ACOT11: variants seen among roughly 807,000 people sequenced by gnomAD.
ACOT11 encodes acyl-CoA thioesterase 11, also known as acyl-coenzyme A thioesterase 11.
In ACOT11, 69 loss-of-function variants were observed where a neutral mutation model predicts 77.5. The ratio of observed to expected loss-of-function variants is 0.89; its 90% CI spans 0.73 to 1.09. ACOT11 has a LOEUF of 1.09. Ranked by LOEUF, ACOT11 falls within the 50% of genes least tolerant of loss-of-function variation. The pLI, the probability that ACOT11 is intolerant of heterozygous loss-of-function variation, is 0.00. For synonymous variants in ACOT11, 279 were observed against 313.0 expected (o/e 0.89, Z 1.15); for missense variants, 766 against 813.7 (o/e 0.94, Z 0.71).
intron 12 of ACOT11, among the ~76,000 whole-genome samples, chr1:54,604,695 CCT>C (rs1270908181): frequency 6.6e-6 from 1 of 152,140 alleles, no homozygotes; most frequent in Non-Finnish European, 1.5e-5. Flanking sequence ...GCACTTCCTC[CCT>C]CTCTGTTCTT....
At chr1:54,568,615 C>T (rs1041594579) in intron 1 of ACOT11, among the ~76,000 whole-genome samples, 7 of 152,204 alleles carry the variant, frequency 4.6e-5, no homozygotes, top group East Asian at 1.9e-4. Flanking sequence ...CCACTCACTT[C>T]GGCCTCTGAA....
chr1:54,602,245 C>T (rs977836178), intron 9 of ACOT11, among the ~76,000 whole-genome samples: 1 of 152,258 alleles, frequency 6.6e-6, no homozygotes, highest in Non-Finnish European at 1.5e-5. Flanking sequence ...CCTTCCTTGT[C>T]TCAGGTTCCT....
chr1:54,554,689 C>T (rs1653200503), intron 1 of ACOT11, among the ~76,000 whole-genome samples: 1 of 152,000 alleles, frequency 6.6e-6, no homozygotes, highest in Non-Finnish European at 1.5e-5. Flanking sequence ...CTGGTGGACA[C>T]TTAGTTGGTT....
At chr1:54,575,262 G>A (rs1654067618) in intron 1 of ACOT11, among the ~76,000 whole-genome samples, 1 of 152,164 alleles carries the variant, frequency 6.6e-6, no homozygotes, top group Non-Finnish European at 1.5e-5. Context: ...TTGCTTATGG[G>A]TCAAATGAGA....
At chr1:54,598,501 G>A (rs1466290928) in intron 7 of ACOT11, 1 of 152,316 alleles carries the variant, frequency 6.6e-6, no homozygotes, top group African/African-American at 2.4e-5. Flanking sequence ...GTGGCAGTGG[G>A]TGGGTCAGAA....
chr1:54,602,682 G>C lies in ACOT11; in HGVS notation c.1043G>C (p.Arg348Pro). 1 of 1,552,744 alleles carries C rather than the reference G, an allele frequency of 6.4e-7. No individual in the cohort carries two copies. Among genetic ancestry groups the C allele is most frequent in the East Asian group, 2.4e-5 (1 of 41,434 alleles). The change falls in exon 10 of 16, where the codon CGG becomes CCG. Residue 348 changes from arginine (R) to proline (P), a missense_variant. Coordinates refer to ENST00000343744, the MANE Select transcript of ACOT11 (RefSeq NM_147161.4). The stretch of plus-strand genomic sequence containing the variant: ...CTTCCTCCCCAGGATGGTGAGCGGC[G>C]GTACCGAGAGGCCAGTGCCAGAAAG... ...IRPQPGDGER[R>P]YREASARKKI...
At chr1:54,589,229 C>T (rs1654618413) in intron 3 of ACOT11, among the ~76,000 whole-genome samples, 1 of 150,906 alleles carries the variant, frequency 6.6e-6, no homozygotes, top group South Asian at 2.1e-4. Flanking sequence ...ATTGATCAGG[C>T]TGGTCTTGAA....
downstream of ACOT11, among the ~76,000 whole-genome samples, chr1:54,613,722 G>A (rs1278604609): frequency 3.9e-5 from 6 of 152,286 alleles, no homozygotes; most frequent in South Asian, 4.1e-4. Context: ...ACCCTACTGA[G>A]TAAAATTAGC....
chr1:54,563,840 C>G (rs372253), intron 1 of ACOT11, among the ~76,000 whole-genome samples: 1 of 151,792 alleles, frequency 6.6e-6, no homozygotes, highest in African/African-American at 2.4e-5. Context: ...GAGCGGGGGG[C>G]GGATCACTTA....
intron 1 of ACOT11, among the ~76,000 whole-genome samples, chr1:54,567,012 C>T (rs1653756931): frequency 6.6e-6 from 1 of 152,040 alleles, no homozygotes. Context: ...AAATTGGTGG[C>T]CTTCTTTCAT....
chr1:54,560,044 G>A (rs1242906760), intron 1 of ACOT11, among the ~76,000 whole-genome samples: 10 of 152,234 alleles, frequency 6.6e-5, no homozygotes, highest in Non-Finnish European at 1.0e-4. Context: ...GGGCAGCCTT[G>A]CGGGTTAGAG....
chr1:54,580,006 C>T (rs1033050468), intron 1 of ACOT11, among the ~76,000 whole-genome samples: 4 of 152,326 alleles, frequency 2.6e-5, no homozygotes, highest in African/African-American at 9.6e-5. Context: ...GCACTCAATA[C>T]ATGTTAGCCA....
In ACOT11 at chr1:54,607,180, C is replaced by T. The variant is rs145828072; in HGVS notation, c.1417C>T (p.His473Tyr). 6.2e-7 allele frequency: 1 copy of T among 1,614,204 alleles called. No individual in the cohort carries two copies. Among genetic ancestry groups the T allele is most frequent in the East Asian group, 2.2e-5 (1 of 44,872 alleles). ...GGTAGACGAGGACGACGCCATCTAC[C>T]ACGTCACCAGCCCTGCCCTCGGAGG... Reference protein sequence around the residue: ...QQVDEDDAIYHVTSPALGGHT... With the variant: ...QQVDEDDAIYYVTSPALGGHT... The change falls in exon 14 of 16, where the codon CAC becomes TAC. Residue 473 changes from histidine (H) to tyrosine (Y), a missense_variant. Coordinates refer to ENST00000343744, the MANE Select transcript of ACOT11 (RefSeq NM_147161.4). The surrounding 1 kb of genome is among the most constrained non-coding windows in gnomAD (Gnocchi z 4.5).
chr1:54,628,859 A>AG lies in ACOT11; in HGVS notation c.1630-1874dup, dbSNP rs2101032270. On this transcript the variant is annotated intron_variant, in intron 15 of 16. Coordinates refer to the ACOT11 transcript ENST00000371316. Reference sequence around the variant, plus strand: ...CGGATCACTCAAGATCAGGCATTCGAGAACAGCCTGGCCAACATGACGAAA... The same window carrying AG: ...CGGATCACTCAAGATCAGGCATTCGAGGAACAGCCTGGCCAACATGACGAAA... 1.5e-5 allele frequency among the ~76,000 whole-genome samples: 2 copies of AG among 132,834 alleles called. 1 individual carries two copies. Among genetic ancestry groups the AG allele is most frequent in the Non-Finnish European group, 3.4e-5 (2 of 58,788 alleles). 87.1% of individuals were successfully genotyped at this position (132,834 alleles called of 152,430 possible).
chr1:54,549,878 C>T (rs1044781819), intron 1 of ACOT11, among the ~76,000 whole-genome samples: 1 of 152,172 alleles, frequency 6.6e-6, no homozygotes, highest in Admixed American at 6.5e-5. Flanking sequence ...TCTCTTGTGC[C>T]CTGTTGTATT....
intron 15 of ACOT11, among the ~76,000 whole-genome samples, chr1:54,627,250 C>A (rs141803642): frequency 7.4e-6 from 1 of 134,704 alleles, no homozygotes; most frequent in Admixed American, 7.6e-5. Context: ...TCCAACTCCG[C>A]GGGCCGTGTG....
rs375715496 is a variant in ACOT11 at position 54,609,907 on chromosome 1, G to A, written c.*795G>A. 12 of 1,609,898 alleles carry A rather than the reference G, an allele frequency of 7.5e-6. No homozygotes were observed. The highest frequency in any genetic ancestry group is 1.1e-5 in the South Asian group (1 of 91,066). On this transcript the variant is annotated 3_prime_UTR_variant, in exon 16 of 16. Transcript: ENST00000343744. ...CGGGGTTTTCAGCCACAGTTCCCTCGAGGCCAGTGTTCAGCAGGATCATGC... is the reference window on the plus strand; with the variant it reads ...CGGGGTTTTCAGCCACAGTTCCCTCAAGGCCAGTGTTCAGCAGGATCATGC...
rs1240978854 is a variant in ACOT11 at position 54,585,862 on chromosome 1, T to C, written c.269T>C (p.Val90Ala). 1.3e-5 allele frequency: 21 copies of C among 1,613,982 alleles called. No individual in the cohort carries two copies. The highest frequency in any genetic ancestry group is 1.7e-5 in the Non-Finnish European group (20 of 1,180,000). The change falls in exon 3 of 16, where the codon GTC (valine) becomes GCC (alanine). Residue 90 changes from valine (V) to alanine (A), a missense_variant. By Grantham distance (64) the Val-to-Ala change is moderately conservative (BLOSUM62 0). Coordinates refer to ENST00000343744, the MANE Select transcript of ACOT11 (RefSeq NM_147161.4). ...SAERHAGCPC[V>A]TASMDDIYFE... ...GAGAGGCACGCTGGCTGCCCCTGTG[T>C]CACAGCTTCCATGGATGACATCTAT...
At chr1:54,563,577 C>G (rs1236621169) in intron 1 of ACOT11, among the ~76,000 whole-genome samples, 1 of 152,212 alleles carries the variant, frequency 6.6e-6, no homozygotes, top group African/African-American at 2.4e-5. Context: ...GATGTGGCCC[C>G]TGTCTTCAAG....
Sources: allele counts gnomAD v4.1 joint callset (sites outside exome capture counted in the v4.1 genomes callset), GRCh38; gene constraint gnomAD v4.1.1; non-coding constraint Gnocchi (gnomAD v3.1); transcripts MANE v1.5; gene names NCBI Gene and HGNC (gene_info 2026-07-23, HGNC 2026-07-21).